The following C2orf49 variants were observed in gnomAD, a reference collection of about 807,000 sequenced individuals.
C2orf49 encodes the protein tRNA splicing ligase complex subunit 2.
Under a neutral mutation model 20.6 loss-of-function variants are expected in C2orf49, and 11 were observed. The ratio of observed to expected loss-of-function variants is 0.53; its 90% CI spans 0.34 to 0.88. The LOEUF (loss-of-function observed/expected upper bound fraction) is 0.88. Among genes scored for constraint, C2orf49 ranks in the 40% least tolerant of loss-of-function variants. The probability of loss-of-function intolerance (pLI) is 0.02; values close to 1 mark genes in which losing one functional copy is unlikely to be tolerated. For synonymous variants in C2orf49, 134 were observed against 108.5 expected (o/e 1.24, Z -1.46); for missense variants, 289 against 274.2 (o/e 1.05, Z -0.38).
the C2orf49 span, among the ~76,000 whole-genome samples, chr2:105,355,203 AG>A: frequency 6.6e-6 from 1 of 152,210 alleles, no homozygotes; most frequent in Non-Finnish European, 1.5e-5. Flanking sequence ...AAGAAAAAGA[AG>A]GAAAAGAAGG....
At chr2:105,373,215 G>T in the C2orf49 span, among the ~76,000 whole-genome samples, 1 of 152,216 alleles carries the variant, frequency 6.6e-6, no homozygotes, top group African/African-American at 2.4e-5. Context: ...TACAAATTCA[G>T]CAGGTAGAAG....
chr2:105,344,476 G>A (rs1679758474), intron 3 of C2orf49, among the ~76,000 whole-genome samples: 1 of 152,050 alleles, frequency 6.6e-6, no homozygotes, highest in Non-Finnish European at 1.5e-5. Flanking sequence ...GAGTGTGAGA[G>A]AGCTATATGT....
chr2:105,339,540 TA>T (rs1388936979), intron 1 of C2orf49, 42 bp from the exon 2 acceptor site: 1 of 1,562,456 alleles, frequency 6.4e-7, no homozygotes. Context: ...TTGTTAAAAT[TA>T]AAAACATTGT....
At chr2:105,356,638 C>T in the C2orf49 span, among the ~76,000 whole-genome samples, 1 of 152,194 alleles carries the variant, frequency 6.6e-6, no homozygotes, top group Non-Finnish European at 1.5e-5. Context: ...CCATAGTTTA[C>T]AACCCCTGAT....
chr2:105,366,778 C>T, the C2orf49 span, among the ~76,000 whole-genome samples: 1 of 152,190 alleles, frequency 6.6e-6, no homozygotes, highest in Non-Finnish European at 1.5e-5. Context: ...TGGAGTCTCG[C>T]TCAGTCGCCC....
chr2:105,344,481 A>G (rs1196705487), intron 3 of C2orf49, among the ~76,000 whole-genome samples: 1 of 152,144 alleles, frequency 6.6e-6, no homozygotes. Flanking sequence ...TGAGAGAGCT[A>G]TATGTGAAAC....
chr2:105,378,107 C>CATCAA, the C2orf49 span: 84,700 of 470,866 alleles, frequency 0.18, 8,610 homozygotes, highest in South Asian at 0.22. Flanking sequence ...GGAAAGAGCA[C>CATCAA]ATCAGCATGC....
the C2orf49 span, chr2:105,373,704 ATGCCAG>A: frequency 6.2e-7 from 1 of 1,614,168 alleles, no homozygotes; most frequent in Non-Finnish European, 8.5e-7. Flanking sequence ...AACAGGCTTC[ATGCCAG>A]TGCCGGTCCT....
At chr2:105,363,474 G>T in the C2orf49 span, 1 of 1,602,616 alleles carries the variant, frequency 6.2e-7, no homozygotes, top group Non-Finnish European at 8.5e-7. Context: ...GTGATGGGCT[G>T]CAGGGACGAG....
At chr2:105,356,571 T>A in the C2orf49 span, among the ~76,000 whole-genome samples, 1 of 152,110 alleles carries the variant, frequency 6.6e-6, no homozygotes, top group Non-Finnish European at 1.5e-5. Context: ...CGAGATCCTG[T>A]CTCAAAAAAA....
the C2orf49 span, chr2:105,358,374 C>T: frequency 2.0e-5 from 3 of 152,324 alleles, no homozygotes; most frequent in Non-Finnish European, 4.4e-5. Context: ...CAGATTGCCC[C>T]TCCCAATGTG....
chr2:105,345,365 G>A lies in C2orf49; in HGVS notation c.693G>A (p.Trp231Ter). ...AAAGGAAGATACAACATGTTACTTG[G>A]CCCTGAAGAAAAGTTTCCAAAAATG... ...QAKRKIQHVT[W>*]P Residue 231 changes from tryptophan to a stop codon, truncating the protein, a stop_gained, in exon 4 of 4, where the codon TGG becomes TGA. Transcript: ENST00000258457. LOFTEE classifies it high-confidence loss of function. 6.2e-7 allele frequency: 1 copy of A among 1,612,318 alleles called. No homozygotes were observed. The highest frequency in any genetic ancestry group is 1.3e-5 in the African/African-American group (1 of 74,896).
At chr2:105,374,850 T>G in the C2orf49 span, among the ~76,000 whole-genome samples, 1 of 152,192 alleles carries the variant, frequency 6.6e-6, no homozygotes, top group Non-Finnish European at 1.5e-5. Flanking sequence ...CAAATCATCA[T>G]CCATTTATAC....
At chr2:105,363,165 T>C in the C2orf49 span, 2 of 891,028 alleles carry the variant, frequency 2.2e-6, no homozygotes, top group Non-Finnish European at 3.5e-6. Context: ...AAGTCTGCTG[T>C]GTTCAGAGCC....
chr2:105,374,112 C>T, the C2orf49 span: 2 of 298,138 alleles, frequency 6.7e-6, no homozygotes, highest in South Asian at 6.6e-5. Flanking sequence ...TGCAGGACAT[C>T]CTTGGCTGAG....
chr2:105,361,337 G>T, the C2orf49 span: 4 of 1,614,148 alleles, frequency 2.5e-6, no homozygotes, highest in Non-Finnish European at 3.4e-6. Flanking sequence ...CTGTGAGGAA[G>T]CCACGCCCCA....
chr2:105,385,552 G>A, the C2orf49 span, among the ~76,000 whole-genome samples: 2 of 152,210 alleles, frequency 1.3e-5, no homozygotes, highest in Admixed American at 6.5e-5. Context: ...GATGCCAAAG[G>A]AATCCCATTT....
At chr2:105,340,169 A>AT (rs1558665887) in intron 2 of C2orf49, among the ~76,000 whole-genome samples, 1 of 152,222 alleles carries the variant, frequency 6.6e-6, no homozygotes, top group Non-Finnish European at 1.5e-5. Context: ...TCAGGGCTGG[A>AT]TGGAGAAGTA....
At chr2:105,337,779 G>T in intron 1 of C2orf49, 93 bp downstream of exon 1, 1 of 1,136,778 alleles carries the variant, frequency 8.8e-7, no homozygotes, top group Non-Finnish European at 1.2e-6. Flanking sequence ...CGGCAACCAC[G>T]GACACTCCCG....
Sources: allele counts gnomAD v4.1 joint callset (sites outside exome capture counted in the v4.1 genomes callset), GRCh38; gene constraint gnomAD v4.1.1; transcripts MANE v1.5; gene names NCBI Gene and HGNC (gene_info 2026-07-23, HGNC 2026-07-21).